The following DMXL2 variants were observed in gnomAD, a reference collection of about 807,000 sequenced individuals.
DMXL2 encodes Dmx like 2.
Under a neutral mutation model 331.1 loss-of-function variants are expected in DMXL2, and 103 were observed. The observed-to-expected ratio is 0.31, with a 90% confidence interval of 0.27 to 0.37. The LOEUF is 0.37. Ranked by LOEUF, DMXL2 falls within the 10% of genes least tolerant of loss-of-function variation. The probability of loss-of-function intolerance (pLI) is 1.00; values close to 1 mark genes in which losing one functional copy is unlikely to be tolerated. For missense variants in DMXL2, 3,171 were observed against 3,642.9 expected (o/e 0.87, Z 3.33); for synonymous variants, 1,281 against 1,252.1 (o/e 1.02, Z -0.49).
chr15:51,451,556 G>A, intron 42 of DMXL2, 89 bp downstream of exon 42: 1 of 1,015,288 alleles, frequency 9.8e-7, no homozygotes, highest in Non-Finnish European at 1.5e-6. Flanking sequence ...AACACTCACT[G>A]GATTCACTAA....
chr15:51,476,783 T>A, intron 26 of DMXL2, 64 bp from the exon 27 acceptor site: 2 of 1,397,284 alleles, frequency 1.4e-6, no homozygotes, highest in Non-Finnish European at 1.9e-6. Flanking sequence ...ACTTTATGTA[T>A]ATCATCTATT....
At chr15:51,575,939 A>G in intron 2 of DMXL2, 117 bp downstream of exon 2, 1 of 1,045,934 alleles carries the variant, frequency 9.6e-7, no homozygotes, top group Non-Finnish European at 1.4e-6. Context: ...TCTGCTAATA[A>G]TCACCCAAGC....
chr15:51,505,935 GA>G (rs1237476162), intron 16 of DMXL2, among the ~76,000 whole-genome samples: 4 of 152,148 alleles, frequency 2.6e-5, no homozygotes, highest in Non-Finnish European at 5.9e-5. Context: ...TCTCAAAAAG[GA>G]AAAGTTTGTT....
rs377627316 is a variant in DMXL2, at chr15:51,456,135, T to C, written c.8457A>G (p.Gln2819=). ...TGCCAGCTTGACGAAAGCAGACAAG[T>C]TGCTGAGGCCGCGTCCATTCAAACA... ...VRMFEWTRPQ[Q]LVCFRQAGNA... The change falls in exon 39 of 44, where the codon CAA becomes CAG. Residue 2819 remains glutamine, a synonymous_variant. Coordinates refer to ENST00000560891, the MANE Select transcript of DMXL2 (RefSeq NM_001378457.1). 5 of 1,614,094 alleles carry C rather than the reference T, an allele frequency of 3.1e-6. No homozygotes were observed. Among genetic ancestry groups the C allele is most frequent in the African/African-American group, 2.7e-5 (2 of 74,936 alleles).
intron 18 of DMXL2, among the ~76,000 whole-genome samples, chr15:51,496,163 C>T (rs1416171706): frequency 2.0e-5 from 3 of 152,060 alleles, no homozygotes; most frequent in Non-Finnish European, 4.4e-5. Flanking sequence ...ATTCATTCAA[C>T]AAATCAAGCA....
intron 40 of DMXL2, 75 bp downstream of exon 40, chr15:51,455,076 T>G: frequency 8.3e-7 from 1 of 1,202,698 alleles, no homozygotes; most frequent in Non-Finnish European, 1.2e-6. Context: ...ACCAATGAGA[T>G]TCACTGTCTG....
chr15:51,499,898 C>T lies in DMXL2; in HGVS notation c.3326G>A (p.Cys1109Tyr), dbSNP rs1215053003. Residue 1109 changes from cysteine (C) to tyrosine (Y), a missense_variant, in exon 18 of 44, where the codon TGT (cysteine) becomes TAT (tyrosine). Cys to Tyr is a radical substitution (Grantham distance 194). Coordinates refer to ENST00000560891, the MANE Select transcript of DMXL2 (RefSeq NM_001378457.1). ...CCACTCTGATCCTCCTGTAGATTCACATTCAAATATACAAACATGCATGGA... is the reference window on the plus strand; with the variant it reads ...CCACTCTGATCCTCCTGTAGATTCATATTCAAATATACAAACATGCATGGA... ...EFSMHVCIFE[C>Y]ESTGGSEWVL... 1 of 1,614,146 alleles carries T rather than the reference C, an allele frequency of 6.2e-7. No individual in the cohort carries two copies. Among genetic ancestry groups the T allele is most frequent in the Non-Finnish European group, 8.5e-7 (1 of 1,180,014 alleles).
At chr15:51,471,947 G>A (rs988609793) in intron 28 of DMXL2, among the ~76,000 whole-genome samples, 3 of 152,134 alleles carry the variant, frequency 2.0e-5, no homozygotes, top group African/African-American at 7.2e-5. Context: ...ATGAACCTGG[G>A]AACTTATGTT....
chr15:51,548,859 G>A (rs1336693301), intron 6 of DMXL2, among the ~76,000 whole-genome samples: 1 of 151,752 alleles, frequency 6.6e-6, no homozygotes, highest in Non-Finnish European at 1.5e-5. Flanking sequence ...GAAAATGAAA[G>A]TACAACATAT....
chr15:51,608,892 G>A (rs1191614885), intron 1 of DMXL2, among the ~76,000 whole-genome samples: 15 of 152,170 alleles, frequency 9.9e-5, no homozygotes, highest in Non-Finnish European at 2.2e-4. Context: ...AGAGAGGAAG[G>A]AAGAAACGAA....
chr15:51,481,948 T>C (rs2042046003), intron 23 of DMXL2, among the ~76,000 whole-genome samples: 1 of 152,208 alleles, frequency 6.6e-6, no homozygotes, highest in South Asian at 2.1e-4. Context: ...CTCATGCATA[T>C]TGGCTTATCA....
chr15:51,503,023 T>G lies in DMXL2; in HGVS notation c.2775A>C (p.Ser925=). The G allele has an allele frequency of 6.2e-7, 1 of 1,609,232 alleles. No homozygotes were observed. Among genetic ancestry groups the G allele is most frequent in the Non-Finnish European group, 8.5e-7 (1 of 1,176,686 alleles). The part of the protein sequence containing the change: ...KSVQACLAKA[S]EGASSESLLS... ...GTAGACTCTCAGAGGAAGCCCCTTC[T>G]GAAGCTTTAGCTTTAAAAATAAATT... Residue 925 remains serine (S), a synonymous_variant, in exon 17 of 44, where the codon TCA becomes TCC. Coordinates refer to ENST00000560891, the MANE Select transcript of DMXL2 (RefSeq NM_001378457.1).
Position 51,463,411 on chromosome 15 carries a change from A to G in DMXL2, c.7894T>C (p.Tyr2632His), listed in dbSNP as rs1293661136. The G allele has an allele frequency of 1.9e-6, 3 of 1,586,192 alleles. No individual in the cohort carries two copies. Among genetic ancestry groups the G allele is most frequent in the African/African-American group, 2.7e-5 (2 of 73,650 alleles). Residue 2632 changes from tyrosine to histidine, a missense_variant, in exon 33 of 44, where the codon TAT (tyrosine) becomes CAT (histidine). By Grantham distance (83) the Tyr-to-His change is moderately conservative. Transcript: ENST00000560891. ...TGCTTTCTTTTCTTAGTGAAAATAT[A>G]TCTAATAAATGTCTCTTGAAGGACC... The part of the protein sequence containing the change: ...QEVLQETFIR[Y>H]IFTKKRKQSE...
At chr15:51,476,258 T>G (rs754543251) in intron 27 of DMXL2, among the ~76,000 whole-genome samples, 22 of 152,306 alleles carry the variant, frequency 1.4e-4, no homozygotes, top group Non-Finnish European at 2.5e-4. Context: ...TTCTATGGTA[T>G]GTCTGTGAAA....
chr15:51,488,243 G>T, intron 21 of DMXL2, 124 bp from the exon 22 acceptor site: 1 of 952,538 alleles, frequency 1.0e-6, no homozygotes, highest in Non-Finnish European at 1.5e-6. Context: ...TTCAAGGACA[G>T]GCATTTGTTA....
At chr15:51,494,164 C>G (rs1376925055) in intron 19 of DMXL2, among the ~76,000 whole-genome samples, 5 of 152,048 alleles carry the variant, frequency 3.3e-5, no homozygotes, top group Non-Finnish European at 7.4e-5. Context: ...AGAAAAAATA[C>G]CTCAGCAAAA....
At chr15:51,574,832 A>G (rs2050911032) in intron 2 of DMXL2, among the ~76,000 whole-genome samples, 1 of 152,232 alleles carries the variant, frequency 6.6e-6, no homozygotes, top group Non-Finnish European at 1.5e-5. Flanking sequence ...AAAAAGTTTT[A>G]CTTCCAGAGA....
At chr15:51,581,670 A>G (rs1014608045) in intron 1 of DMXL2, among the ~76,000 whole-genome samples, 1 of 152,216 alleles carries the variant, frequency 6.6e-6, no homozygotes. Context: ...AATTTCCTTT[A>G]TGTCTCAGAT....
intron 13 of DMXL2, among the ~76,000 whole-genome samples, chr15:51,520,260 A>G (rs1316567673): frequency 6.6e-6 from 1 of 152,130 alleles, no homozygotes; most frequent in Non-Finnish European, 1.5e-5. Flanking sequence ...TCCACCAGAA[A>G]TTCTTTCCTA....
Sources: gnomAD v4.1 joint callset for allele counts (sites outside exome capture counted in the v4.1 genomes callset) on GRCh38, gnomAD v4.1.1 for gene constraint, MANE v1.5 for transcripts, NCBI Gene and HGNC (gene_info 2026-07-23, HGNC 2026-07-21) for gene names.